SMPX: variants seen among roughly 807,000 people sequenced by gnomAD.
SMPX encodes small muscular protein.
Under a neutral mutation model 6.3 loss-of-function variants are expected in SMPX, and 2 were observed. The observed-to-expected ratio is 0.32, with a 90% CI of 0.13 to 0.99. The LOEUF (loss-of-function observed/expected upper bound fraction) is 0.99. SMPX is among the 50% of genes least tolerant of loss of function. The pLI, the probability that SMPX is intolerant of heterozygous loss-of-function variation, is 0.49. For missense variants in SMPX, 60 were observed against 66.8 expected (o/e 0.90, Z 0.36); for synonymous variants, 32 against 24.7 (o/e 1.30, Z -0.88).
At chrX:21,710,313 C>G (rs748020083) in intron 4 of SMPX, among the ~76,000 whole-genome samples, 1 of 111,298 alleles carries the variant, frequency 9.0e-6, no homozygotes, top group East Asian at 2.8e-4. Flanking sequence ...GAGTGGAAAA[C>G]AAAAAATTGT....
At position 21,754,296 on chromosome X, in the gene SMPX, C is replaced by A; in HGVS notation, c.-6G>T. ...GGCTGTTTCGACATATTCATGCAGT[C>A]TTATCCCTAAAAAAACAAGTAAGAA... is the stretch of plus-strand genomic sequence containing the variant. On this transcript the variant is annotated 5_prime_UTR_variant, in exon 2 of 5. Coordinates refer to ENST00000379494, the MANE Select transcript of SMPX (RefSeq NM_014332.3). The A allele has an allele frequency of 8.3e-7, 1 of 1,202,504 alleles. No individual in the cohort carries two copies. Among genetic ancestry groups the A allele is most frequent in the South Asian group, 1.8e-5 (1 of 56,771 alleles).
intron 3 of SMPX, among the ~76,000 whole-genome samples, chrX:21,742,755 A>G (rs1048100374): frequency 4.4e-5 from 5 of 112,366 alleles, no homozygotes; most frequent in Non-Finnish European, 7.5e-5. Context: ...CAGGAAAAAA[A>G]GGTTACAAGC....
intron 2 of SMPX, among the ~76,000 whole-genome samples, chrX:21,748,675 T>C (rs916152169): frequency 2.7e-5 from 3 of 112,174 alleles, no homozygotes; most frequent in Non-Finnish European, 5.6e-5. Flanking sequence ...GAAACCAGCA[T>C]TGGAAATCAT....
chrX:21,719,891 G>C (rs1378931392), intron 4 of SMPX, among the ~76,000 whole-genome samples: 8 of 112,300 alleles, frequency 7.1e-5, no homozygotes, highest in African/African-American at 2.6e-4. Context: ...ACAACTTTTG[G>C]TGTTTTAAAT....
At chrX:21,756,700 T>C (rs1318031900) in intron 1 of SMPX, among the ~76,000 whole-genome samples, 2 of 112,766 alleles carry the variant, frequency 1.8e-5, no homozygotes, top group Non-Finnish European at 3.7e-5. Flanking sequence ...CTTCTTCATC[T>C]GAATGCTTCA....
At chrX:21,707,007 C>T (rs766570251) in intron 4 of SMPX, among the ~76,000 whole-genome samples, 179 of 108,526 alleles carry the variant, frequency 1.6e-3, no homozygotes, top group Non-Finnish European at 2.8e-3. Flanking sequence ...CATAGCAGCA[C>T]GAGAACGGAC....
chrX:21,748,040 T>C (rs1602111553), intron 2 of SMPX, among the ~76,000 whole-genome samples: 1 of 112,399 alleles, frequency 8.9e-6, no homozygotes, highest in South Asian at 3.7e-4. Flanking sequence ...ATTTATAGCA[T>C]CTTTACAGAA....
At chrX:21,745,333 G>T (rs2092820253) in intron 2 of SMPX, among the ~76,000 whole-genome samples, 1 of 111,519 alleles carries the variant, frequency 9.0e-6, no homozygotes, top group South Asian at 3.8e-4. Context: ...GTGGGAGGAG[G>T]AGGGGGCATA....
intron 4 of SMPX, among the ~76,000 whole-genome samples, chrX:21,713,308 T>A (rs1421570793): frequency 8.9e-6 from 1 of 112,368 alleles, no homozygotes; most frequent in Non-Finnish European, 1.9e-5. Context: ...CACAGCTAGC[T>A]ATCGGCTGAT....
chrX:21,754,136 C>T (rs1227970805), intron 2 of SMPX, 110 bp downstream of exon 2: 5 of 700,538 alleles, frequency 7.1e-6, no homozygotes, highest in South Asian at 6.4e-5. Flanking sequence ...CCTTACAAAT[C>T]TTATGAAGAA....
chrX:21,717,779 C>A (rs944042573), intron 4 of SMPX, among the ~76,000 whole-genome samples: 13 of 112,122 alleles, frequency 1.2e-4, no homozygotes, highest in African/African-American at 4.2e-4. Flanking sequence ...GTTTAAGAGG[C>A]AACAGAAAAG....
intron 4 of SMPX, among the ~76,000 whole-genome samples, chrX:21,709,492 A>G (rs760981488): frequency 8.9e-6 from 1 of 112,431 alleles, no homozygotes; most frequent in East Asian, 2.8e-4. Context: ...CCCATTGCCT[A>G]TCATGGCACC....
At chrX:21,750,221 T>G (rs761232348) in intron 2 of SMPX, among the ~76,000 whole-genome samples, 2 of 111,628 alleles carry the variant, frequency 1.8e-5, no homozygotes, top group Admixed American at 9.5e-5. Context: ...TCATGTCAAA[T>G]TCTTTCATTT....
intron 4 of SMPX, among the ~76,000 whole-genome samples, chrX:21,736,287 C>T (rs189554568): frequency 1.4e-3 from 157 of 111,808 alleles, no homozygotes; most frequent in Non-Finnish European, 2.4e-3. Context: ...GGGCCCTATC[C>T]GCCCCACTGC....
chrX:21,728,122 C>T (rs1043049066), intron 4 of SMPX, among the ~76,000 whole-genome samples: 2 of 110,518 alleles, frequency 1.8e-5, no homozygotes, highest in African/African-American at 6.6e-5. Context: ...TTTGTCAGCA[C>T]TGGGCAAAGT....
At chrX:21,711,568 A>T (rs1485697560) in intron 4 of SMPX, among the ~76,000 whole-genome samples, 1 of 111,938 alleles carries the variant, frequency 8.9e-6, no homozygotes, top group African/African-American at 3.3e-5. Flanking sequence ...ATGATACACC[A>T]AATATCTCCC....
chrX:21,749,144 G>A (rs769846104), intron 2 of SMPX, among the ~76,000 whole-genome samples: 2 of 112,139 alleles, frequency 1.8e-5, no homozygotes, highest in East Asian at 5.6e-4. Flanking sequence ...GGTAGCAATG[G>A]AAAACTTCCC....
At chrX:21,750,113 G>T (rs1170927814) in intron 2 of SMPX, among the ~76,000 whole-genome samples, 1 of 112,037 alleles carries the variant, frequency 8.9e-6, no homozygotes, top group Non-Finnish European at 1.9e-5. Context: ...GGCAGATGCT[G>T]CCAGTGGCTG....
chrX:21,732,390 A>C (rs1438678075), intron 4 of SMPX, among the ~76,000 whole-genome samples: 3 of 112,201 alleles, frequency 2.7e-5, no homozygotes, highest in Non-Finnish European at 5.6e-5. Context: ...AATTAAAGTC[A>C]AATTTCTGGG....
Sources: allele counts gnomAD v4.1 joint callset (sites outside exome capture counted in the v4.1 genomes callset), GRCh38; gene constraint gnomAD v4.1.1; transcripts MANE v1.5; gene names NCBI Gene and HGNC (gene_info 2026-07-23, HGNC 2026-07-21).